PRRC2C: variants seen among roughly 807,000 people sequenced by gnomAD.
PRRC2C encodes the protein proline rich coiled-coil 2C.
PRRC2C carries 72 observed loss-of-function variants against 317.2 expected under a neutral mutation model. The observed-to-expected ratio is 0.23, with a 90% CI of 0.19 to 0.28. The LOEUF (loss-of-function observed/expected upper bound fraction) is 0.28, where lower values mean the gene tolerates loss of function less well. Ranked by LOEUF, PRRC2C falls within the 10% of genes least tolerant of loss-of-function variation. The pLI is 1.00. For missense variants in PRRC2C, 3,074 were observed against 3,459.7 expected (o/e 0.89, Z 2.80); for synonymous variants, 1,296 against 1,205.9 (o/e 1.07, Z -1.55).
chr1:171,509,043 T>C (rs908877879), intron 1 of PRRC2C, among the ~76,000 whole-genome samples: 1 of 152,026 alleles, frequency 6.6e-6, no homozygotes, highest in Non-Finnish European at 1.5e-5. Flanking sequence ...CCTGCCACCA[T>C]GCCTGGCTAA....
At chr1:171,559,961 ATGT>A (rs1172034536) in intron 19 of PRRC2C, among the ~76,000 whole-genome samples, 1 of 152,206 alleles carries the variant, frequency 6.6e-6, no homozygotes, top group African/African-American at 2.4e-5. Context: ...AGGAAGATTT[ATGT>A]TGTTTTCATG....
intron 1 of PRRC2C, among the ~76,000 whole-genome samples, chr1:171,489,991 C>T (rs1190142598): frequency 6.6e-6 from 1 of 152,116 alleles, no homozygotes; most frequent in East Asian, 1.9e-4. Flanking sequence ...GCTATCTTGG[C>T]TCACTGCAAC....
chr1:171,567,868 T>C (rs950834997), intron 22 of PRRC2C, among the ~76,000 whole-genome samples: 3 of 152,164 alleles, frequency 2.0e-5, no homozygotes, highest in Non-Finnish European at 4.4e-5. Flanking sequence ...AGAACAACTT[T>C]ACAACTATTA....
chr1:171,541,516 C>T lies in PRRC2C; in HGVS notation c.4050C>T (p.Phe1350=). Residue 1350 remains phenylalanine (F), a synonymous_variant, in exon 16 of 35, where the codon TTC becomes TTT. Coordinates refer to ENST00000647382, the MANE Select transcript of PRRC2C (RefSeq NM_001387844.1). The surrounding 1 kb of genome is among the most constrained non-coding windows in gnomAD (Gnocchi z 4.1). ...CAAGGAGAGGCAGAGGGGGAACATT[C>T]AGGCGTGGTGGAAGGGATCCTGGAG... ...EPTRRGRGGT[F]RRGGRDPGGR... The T allele has an allele frequency of 6.2e-7, 1 of 1,613,516 alleles. No individual in the cohort carries two copies. Among genetic ancestry groups the T allele is most frequent in the Non-Finnish European group, 8.5e-7 (1 of 1,179,720 alleles).
chr1:171,535,464 G>T lies in PRRC2C; in HGVS notation c.1910G>T (p.Arg637Leu). Residue 637 changes from arginine (R) to leucine (L), a missense_variant, in exon 13 of 35, where the codon CGC (arginine) becomes CTC (leucine). Arg to Leu is a moderately radical substitution (Grantham distance 102). Transcript: ENST00000647382. ...GTTTTCACTAGACAAGACAGCAATC[G>T]CAGTGAAAAGGAAGCCACACCAGTG... ...EPVFTRQDSN[R>L]SEKEATPVVH... 2 of 1,613,716 alleles carry T rather than the reference G, an allele frequency of 1.2e-6. No individual in the cohort carries two copies. The highest frequency in any genetic ancestry group is 1.7e-6 in the Non-Finnish European group (2 of 1,179,804).
chr1:171,500,013 CT>C (rs1668798987), intron 1 of PRRC2C, among the ~76,000 whole-genome samples: 1 of 151,954 alleles, frequency 6.6e-6, no homozygotes, highest in Admixed American at 6.6e-5. Flanking sequence ...GTAGAGTATA[CT>C]TCTCTGGAAA....
At chr1:171,533,914 G>A (rs921480232) in intron 12 of PRRC2C, among the ~76,000 whole-genome samples, 1 of 152,056 alleles carries the variant, frequency 6.6e-6, no homozygotes, top group Non-Finnish European at 1.5e-5. Flanking sequence ...GAGCCACCGC[G>A]CCCAGCCTAA....
At chr1:171,499,617 A>G (rs934495300) in intron 1 of PRRC2C, among the ~76,000 whole-genome samples, 1 of 152,192 alleles carries the variant, frequency 6.6e-6, no homozygotes, top group African/African-American at 2.4e-5. Flanking sequence ...CAGCCTGGCC[A>G]ACATGGTGAA....
chr1:171,512,314 C>A, intron 2 of PRRC2C, 114 bp downstream of exon 2: 1 of 772,736 alleles, frequency 1.3e-6, no homozygotes, highest in Non-Finnish European at 2.2e-6. Flanking sequence ...ATGCTATTTA[C>A]ATTTGCGTTT....
chr1:171,557,451 C>T lies in PRRC2C; in HGVS notation c.5339C>T (p.Pro1780Leu), dbSNP rs1476748207. The change falls in exon 19 of 35, where the codon CCA (proline) becomes CTA (leucine). Residue 1780 changes from proline (P) to leucine (L), a missense_variant. By Grantham distance (98) the Pro-to-Leu change is moderately conservative. Transcript: ENST00000647382. The stretch of plus-strand genomic sequence containing the variant: ...CTTCCGGCAACCTTAACTCCAGTTC[C>T]AGCCTCAACCTCAGCTCCGGTTCCA... ...APLPATLTPVPASTSAPVPAS... is the reference protein window; with the variant it reads ...APLPATLTPVLASTSAPVPAS... The T allele has an allele frequency of 1.3e-6, 2 of 1,546,336 alleles. No homozygotes were observed. The highest frequency in any genetic ancestry group is 1.2e-5 in the South Asian group (1 of 83,724).
chr1:171,499,720 C>T (rs570493306), intron 1 of PRRC2C, among the ~76,000 whole-genome samples: 1 of 152,232 alleles, frequency 6.6e-6, no homozygotes, highest in South Asian at 2.1e-4. Context: ...AGGAGAATCG[C>T]TTGAACCTGG....
chr1:171,512,001 C>A, intron 1 of PRRC2C, 31 bp from the exon 2 acceptor site: 1 of 607,382 alleles, frequency 1.6e-6, no homozygotes, highest in Non-Finnish European at 2.7e-6. Context: ...AGTTTTTCAT[C>A]CTTATTTTTC....
chr1:171,500,243 A>G (rs918874573), intron 1 of PRRC2C, among the ~76,000 whole-genome samples: 3 of 152,240 alleles, frequency 2.0e-5, no homozygotes, highest in Non-Finnish European at 4.4e-5. Flanking sequence ...CAAATATACT[A>G]AATTTTCAGT....
chr1:171,513,534 G>A (rs1346727656), intron 3 of PRRC2C: 1 of 441,752 alleles, frequency 2.3e-6, no homozygotes, highest in Non-Finnish European at 4.5e-6. Flanking sequence ...CCAATTTACT[G>A]TGTATCTCCA....
At chr1:171,511,992 G>A (rs1001536676) in intron 1 of PRRC2C, 40 bp from the exon 2 acceptor site, 1 of 590,398 alleles carries the variant, frequency 1.7e-6, no homozygotes. Context: ...AATTTACTGA[G>A]TTTTTCATCC....
At chr1:171,538,137 T>C (rs1677201698) in intron 15 of PRRC2C, among the ~76,000 whole-genome samples, 1 of 152,082 alleles carries the variant, frequency 6.6e-6, no homozygotes, top group South Asian at 2.1e-4. Context: ...CCTGACCTTG[T>C]GATAATCTTT....
chr1:171,574,841 G>A, intron 24 of PRRC2C, 86 bp from the exon 25 acceptor site: 1 of 1,202,266 alleles, frequency 8.3e-7, no homozygotes, highest in South Asian at 1.4e-5. Context: ...ATTATATTTG[G>A]CACTTAAATA....
At chr1:171,525,522 C>T (rs1277672048) in intron 10 of PRRC2C, among the ~76,000 whole-genome samples, 1 of 152,140 alleles carries the variant, frequency 6.6e-6, no homozygotes, top group East Asian at 1.9e-4. Context: ...CCACTTATCT[C>T]TTTATTAAGG....
At chr1:171,526,505 T>G (rs1674593374) in intron 10 of PRRC2C, among the ~76,000 whole-genome samples, 1 of 151,980 alleles carries the variant, frequency 6.6e-6, no homozygotes, top group African/African-American at 2.4e-5. Flanking sequence ...ACCCAGCTAA[T>G]TTTTGTATTT....
Sources: gnomAD v4.1 joint callset for allele counts (sites outside exome capture counted in the v4.1 genomes callset) on GRCh38, gnomAD v4.1.1 for gene constraint, Gnocchi (gnomAD v3.1) non-coding constraint, MANE v1.5 for transcripts, NCBI Gene and HGNC (gene_info 2026-07-23, HGNC 2026-07-21) for gene names.